The following WASHC2C variants were observed in gnomAD, a reference collection of about 807,000 sequenced individuals.
WASHC2C encodes Vaccinia Penetration Factor.
Under a neutral mutation model 142.2 loss-of-function variants are expected in WASHC2C, and 73 were observed. The observed-to-expected ratio is 0.51, with a 90% confidence interval of 0.43 to 0.62. WASHC2C has a LOEUF of 0.62. WASHC2C is among the 20% of genes least tolerant of loss of function. WASHC2C has a pLI of 0.00. For missense variants in WASHC2C, 969 were observed against 1,531.7 expected (o/e 0.63, Z 6.13); for synonymous variants, 337 against 565.5 (o/e 0.60, Z 5.73).
chr10:45,730,202 C>T lies in WASHC2C; in HGVS notation c.291+1176C>T, dbSNP rs868928340. Among the ~76,000 whole-genome samples the T allele has an allele frequency of 2.6e-3, 311 of 119,064 alleles. 2 individuals are homozygous for T. The highest frequency in any genetic ancestry group is 9.2e-3 in the African/African-American group (282 of 30,586). 78.1% of individuals were successfully genotyped at this position (119,064 alleles called of 152,430 possible). ...TCTACTAAAAAAATACAAAATTAGC[C>T]GGGCATGGTGGCGCATGCCTGTAAT... On this transcript the variant is annotated intron_variant, in intron 3 of 30. Coordinates refer to ENST00000623400, the MANE Select transcript of WASHC2C (RefSeq NM_001330074.2).
At chr10:45,748,307 T>TA (rs1268427212) in intron 8 of WASHC2C, among the ~76,000 whole-genome samples, 8 of 140,366 alleles carry the variant, frequency 5.7e-5, no homozygotes, top group African/African-American at 1.9e-4. Flanking sequence ...TTTTTTTTTT[T>TA]GAGACAGAGT....
chr10:45,731,913 G>A (rs1422807308), intron 3 of WASHC2C, among the ~76,000 whole-genome samples: 7 of 149,512 alleles, frequency 4.7e-5, no homozygotes, highest in African/African-American at 1.5e-4. Context: ...TCCTGCCTCA[G>A]CCTCCTGAGT....
intron 19 of WASHC2C, among the ~76,000 whole-genome samples, chr10:45,769,173 A>G (rs1310084095): frequency 6.6e-6 from 1 of 151,922 alleles, no homozygotes; most frequent in Non-Finnish European, 1.5e-5. Flanking sequence ...GCTGGAGTGC[A>G]GTGGCACGAT....
chr10:45,752,300 A>G (rs2053697239), intron 11 of WASHC2C, among the ~76,000 whole-genome samples: 1 of 152,290 alleles, frequency 6.6e-6, no homozygotes. Context: ...TCTGACCCGA[A>G]TGCTTGCTTC....
chr10:45,772,614 G>A (rs2056701592), intron 20 of WASHC2C, among the ~76,000 whole-genome samples: 1 of 152,166 alleles, frequency 6.6e-6, no homozygotes, highest in South Asian at 2.1e-4. Context: ...CTACTTGAGA[G>A]GCTAAGGCAG....
intron 16 of WASHC2C, among the ~76,000 whole-genome samples, chr10:45,758,949 C>G (rs1359414346): frequency 6.6e-6 from 1 of 151,266 alleles, no homozygotes; most frequent in African/African-American, 2.4e-5. Context: ...ACAGTTTTGT[C>G]TCTTTGTGTC....
chr10:45,749,857 T>TTATATTTATA (rs1554873314), intron 8 of WASHC2C, among the ~76,000 whole-genome samples: 65 of 88,798 alleles, frequency 7.3e-4, no homozygotes, highest in African/African-American at 2.7e-3. Context: ...ATATATATAT[T>TTATATTTATA]TATATATATA....
At chr10:45,744,634 G>A (rs1213879945) in intron 6 of WASHC2C, among the ~76,000 whole-genome samples, 187 bp from the exon 7 acceptor site, 1 of 151,904 alleles carries the variant, frequency 6.6e-6, no homozygotes, top group Non-Finnish European at 1.5e-5. Context: ...TTTTTGGGGG[G>A]AGAGATACTT....
chr10:45,735,203 G>T (rs1390736113), intron 3 of WASHC2C, among the ~76,000 whole-genome samples: 1 of 151,476 alleles, frequency 6.6e-6, no homozygotes, highest in Non-Finnish European at 1.5e-5. Context: ...TTACTTTTCT[G>T]TGTGAATTTG....
At chr10:45,743,250 T>C (rs1387631060) in intron 5 of WASHC2C, 140 bp from the exon 6 acceptor site, 9 of 1,344,128 alleles carry the variant, frequency 6.7e-6, no homozygotes, top group South Asian at 1.3e-5. Flanking sequence ...TTTTAACTTT[T>C]AGTCCTGCTG....
intron 19 of WASHC2C, among the ~76,000 whole-genome samples, chr10:45,768,587 G>A (rs2135330810): frequency 6.6e-6 from 1 of 152,302 alleles, no homozygotes; most frequent in South Asian, 2.1e-4. Flanking sequence ...GGAGTTCTTT[G>A]ATTTGAAGGG....
chr10:45,752,409 G>A (rs2053714932), intron 11 of WASHC2C, among the ~76,000 whole-genome samples, 179 bp from the exon 12 acceptor site: 1 of 152,390 alleles, frequency 6.6e-6, no homozygotes, highest in South Asian at 2.1e-4. Context: ...GTCTTTTGAG[G>A]GTGTCAGTGG....
At chr10:45,754,915 G>C (rs1554876485) in intron 14 of WASHC2C, 21 bp from the exon 15 acceptor site, 1 of 1,611,918 alleles carries the variant, frequency 6.2e-7, no homozygotes, top group Admixed American at 1.7e-5. Flanking sequence ...AGCTGTGGCT[G>C]TCTTGTCCCT....
At chr10:45,770,651 C>T (rs1279867403) in intron 20 of WASHC2C, among the ~76,000 whole-genome samples, 29 of 152,290 alleles carry the variant, frequency 1.9e-4, no homozygotes, top group Admixed American at 8.5e-4. Flanking sequence ...TCCAAATACT[C>T]GAATCTTGTC....
Position 45,744,705 on chromosome 10 carries a change from T to C in WASHC2C, c.623-116T>C, listed in dbSNP as rs1231200755. ...GACACTTTCAATTCCAGTAAGTGGG[T>C]ATAGATGGTTTTATCAAGATCTCTG... On this transcript the variant is annotated intron_variant, in intron 6 of 30. Coordinates refer to ENST00000623400, the MANE Select transcript of WASHC2C (RefSeq NM_001330074.2). The C allele has an allele frequency of 2.1e-5, 11 of 525,438 alleles. No individual in the cohort carries two copies. In the Admixed American group the frequency reaches 3.0e-4, roughly 15 times the overall value. 32.5% of individuals were successfully genotyped at this position (525,438 alleles called of 1,614,324 possible).
At chr10:45,757,699 T>C (rs1554877914) in intron 16 of WASHC2C, among the ~76,000 whole-genome samples, 1 of 151,992 alleles carries the variant, frequency 6.6e-6, no homozygotes, top group African/African-American at 2.4e-5. Context: ...TTTACGGCAG[T>C]GATCCCCAAC....
At chr10:45,727,243 G>A, upstream of WASHC2C, 1 of 1,529,686 alleles carries the variant, frequency 6.5e-7, no homozygotes, top group Non-Finnish European at 8.8e-7. Flanking sequence ...AGCTTGGCTG[G>A]GGCTAGGCTT....
rs368543226 is a variant in WASHC2C, at chr10:45,784,598, G to A, written c.2512G>A (p.Gly838Ser). ...TCCTGATGCCCACCCCAAGAGCACA[G>A]GTGTCTTCCAGGATGAAGAGCTGCT... ...CDPDAHPKST[G>S]VFQDEELLFS... is the part of the protein sequence containing the mutation. Residue 838 changes from glycine (G) to serine (S), a missense_variant, in exon 24 of 31, where the codon GGT becomes AGT. Coordinates refer to ENST00000623400, the MANE Select transcript of WASHC2C (RefSeq NM_001330074.2). The A allele has an allele frequency of 8.7e-6, 14 of 1,610,954 alleles. No homozygotes were observed. In the African/African-American group the frequency reaches 1.9e-4, roughly 22 times the overall value.
chr10:45,772,885 A>T (rs1169388935), intron 20 of WASHC2C, among the ~76,000 whole-genome samples: 7 of 152,192 alleles, frequency 4.6e-5, no homozygotes, highest in African/African-American at 1.4e-4. Context: ...CTTCATGACA[A>T]TTCTGGAAAT....
Sources: gnomAD v4.1 joint callset for allele counts (sites outside exome capture counted in the v4.1 genomes callset) on GRCh38, gnomAD v4.1.1 for gene constraint, MANE v1.5 for transcripts, NCBI Gene and HGNC (gene_info 2026-07-23, HGNC 2026-07-21) for gene names.